Variants in HCRTR2 observed in about 807,000 individuals in gnomAD.
HCRTR2 encodes orexin receptor type 2.
Under a neutral mutation model 49.0 loss-of-function variants are expected in HCRTR2, and 22 were observed. That is an observed-to-expected ratio of 0.45 (90% CI 0.32 to 0.64). The LOEUF is 0.64. HCRTR2 is among the 30% of genes least tolerant of loss of function. The probability of loss-of-function intolerance (pLI) is 0.04; values close to 1 mark genes in which losing one functional copy is unlikely to be tolerated. For missense variants in HCRTR2, 491 were observed against 559.4 expected (o/e 0.88, Z 1.23); for synonymous variants, 236 against 205.3 (o/e 1.15, Z -1.28).
At chr6:55,181,986 G>A (rs1330431552) in intron 1 of HCRTR2, among the ~76,000 whole-genome samples, 2 of 152,198 alleles carry the variant, frequency 1.3e-5, no homozygotes, top group Non-Finnish European at 2.9e-5. Flanking sequence ...TCAGTAGACA[G>A]AAATCCATGT....
At chr6:55,218,990 A>G (rs1308210167) in intron 1 of HCRTR2, among the ~76,000 whole-genome samples, 4 of 152,066 alleles carry the variant, frequency 2.6e-5, no homozygotes, top group Non-Finnish European at 5.9e-5. Context: ...TACCCAGCTA[A>G]TTTTTTAACC....
chr6:55,245,361 A>ATG (rs1191424861), intron 1 of HCRTR2, among the ~76,000 whole-genome samples: 7 of 133,280 alleles, frequency 5.3e-5, no homozygotes, highest in African/African-American at 1.1e-4. Context: ...AAGGGAACCG[A>ATG]TGTGTGTGTG....
intron 1 of HCRTR2, among the ~76,000 whole-genome samples, chr6:55,160,557 C>G (rs1764791462): frequency 1.3e-5 from 2 of 152,144 alleles, no homozygotes; most frequent in Admixed American, 1.3e-4. Context: ...GATAGAGAGT[C>G]AAGACCCAAC....
chr6:55,157,133 T>C (rs1764741911), intron 1 of HCRTR2, among the ~76,000 whole-genome samples: 1 of 152,156 alleles, frequency 6.6e-6, no homozygotes, highest in Non-Finnish European at 1.5e-5. Context: ...AGAGATTACA[T>C]ACACACTCAC....
At chr6:55,168,714 T>C (rs1764909591) in intron 1 of HCRTR2, among the ~76,000 whole-genome samples, 1 of 151,068 alleles carries the variant, frequency 6.6e-6, no homozygotes, top group African/African-American at 2.4e-5. Context: ...CACAGACACA[T>C]GCCACCATGC....
intron 1 of HCRTR2, among the ~76,000 whole-genome samples, chr6:55,215,180 G>C (rs1225347447): frequency 6.6e-6 from 1 of 152,028 alleles, no homozygotes; most frequent in African/African-American, 2.4e-5. Flanking sequence ...TTTGAAAGCA[G>C]AAAGAAAATA....
intron 1 of HCRTR2, among the ~76,000 whole-genome samples, chr6:55,142,036 A>G (rs1764514437): frequency 6.6e-6 from 1 of 152,194 alleles, no homozygotes; most frequent in African/African-American, 2.4e-5. Flanking sequence ...GGTTAATTAA[A>G]TAGTAAAATC....
intron 1 of HCRTR2, among the ~76,000 whole-genome samples, chr6:55,229,184 T>G (rs1766067278): frequency 6.6e-6 from 1 of 152,204 alleles, no homozygotes; most frequent in South Asian, 2.1e-4. Flanking sequence ...TATAAAATGA[T>G]GCAGCCACTA....
At chr6:55,161,944 A>G (rs1764811722) in intron 1 of HCRTR2, among the ~76,000 whole-genome samples, 1 of 152,176 alleles carries the variant, frequency 6.6e-6, no homozygotes, top group African/African-American at 2.4e-5. Flanking sequence ...AACTATTCCA[A>G]ACAACAGAAA....
At chr6:55,262,532 TATATA>T (rs940098462) in intron 3 of HCRTR2, among the ~76,000 whole-genome samples, 12 of 131,196 alleles carry the variant, frequency 9.1e-5, no homozygotes, top group Non-Finnish European at 1.2e-4. Context: ...ATATATAATA[TATATA>T]ATATAATATA....
At chr6:55,223,016 C>A (rs995030216) in intron 1 of HCRTR2, among the ~76,000 whole-genome samples, 1 of 152,170 alleles carries the variant, frequency 6.6e-6, no homozygotes, top group Non-Finnish European at 1.5e-5. Context: ...AATTAAAAAA[C>A]GAGAAACAGT....
At chr6:55,213,802 TG>T (rs1765737732) in intron 1 of HCRTR2, among the ~76,000 whole-genome samples, 2 of 152,122 alleles carry the variant, frequency 1.3e-5, no homozygotes, top group Middle Eastern at 3.2e-3. Flanking sequence ...TCCACAATGT[TG>T]GGGGCTGCAG....
At chr6:55,185,103 T>G (rs1420388509) in intron 1 of HCRTR2, among the ~76,000 whole-genome samples, 1 of 152,256 alleles carries the variant, frequency 6.6e-6, no homozygotes, top group Non-Finnish European at 1.5e-5. Context: ...CCGAATCAAC[T>G]TTTTATTATT....
chr6:55,197,433 C>T (rs915357621), intron 1 of HCRTR2, among the ~76,000 whole-genome samples: 1 of 152,084 alleles, frequency 6.6e-6, no homozygotes, highest in African/African-American at 2.4e-5. Flanking sequence ...ACTTAACAAA[C>T]CTTATCTTGA....
At chr6:55,210,070 C>T (rs1416946501) in intron 1 of HCRTR2, among the ~76,000 whole-genome samples, 1 of 152,000 alleles carries the variant, frequency 6.6e-6, no homozygotes, top group Non-Finnish European at 1.5e-5. Context: ...GACCGTTCAC[C>T]CACAAAATGC....
chr6:55,204,970 T>A (rs1765576110), intron 1 of HCRTR2, among the ~76,000 whole-genome samples: 2 of 152,152 alleles, frequency 1.3e-5, no homozygotes, highest in South Asian at 4.1e-4. Flanking sequence ...TAGTTTTTTT[T>A]ATTTTTAGTG....
At chr6:55,211,979 C>T (rs1581832635) in intron 1 of HCRTR2, among the ~76,000 whole-genome samples, 1 of 152,246 alleles carries the variant, frequency 6.6e-6, no homozygotes, top group East Asian at 1.9e-4. Flanking sequence ...TAGCACAGGG[C>T]TTCTCTAAAA....
chr6:55,176,734 G>T (rs757163840), intron 1 of HCRTR2, among the ~76,000 whole-genome samples: 2 of 152,086 alleles, frequency 1.3e-5, no homozygotes, highest in Non-Finnish European at 2.9e-5. Context: ...CCACTCTAGA[G>T]CTAAAAAGCA....
intron 1 of HCRTR2, among the ~76,000 whole-genome samples, chr6:55,128,372 T>C (rs1437622918): frequency 6.6e-6 from 1 of 152,190 alleles, no homozygotes; most frequent in Non-Finnish European, 1.5e-5. Flanking sequence ...ACCAGCTTTG[T>C]TCTTTTTGCT....
Sources: allele counts gnomAD v4.1 joint callset (sites outside exome capture counted in the v4.1 genomes callset), GRCh38; gene constraint gnomAD v4.1.1; transcripts MANE v1.5; gene names NCBI Gene and HGNC (gene_info 2026-07-23, HGNC 2026-07-21).